The following HPSE2 variants were observed in gnomAD, a reference collection of about 807,000 sequenced individuals.
The protein encoded by HPSE2 is inactive heparanase-2.
Under a neutral mutation model 60.5 loss-of-function variants are expected in HPSE2, and 38 were observed. The observed-to-expected ratio is 0.63, with a 90% confidence interval of 0.48 to 0.82. The LOEUF is 0.82. HPSE2 is among the 40% of genes least tolerant of loss of function. HPSE2 has a pLI of 0.00. For missense variants in HPSE2, 713 were observed against 740.4 expected (o/e 0.96, Z 0.43); for synonymous variants, 295 against 293.2 (o/e 1.01, Z -0.06).
At chr10:98,827,201 T>G (rs1248415542) in intron 3 of HPSE2, among the ~76,000 whole-genome samples, 1 of 151,876 alleles carries the variant, frequency 6.6e-6, no homozygotes, top group Non-Finnish European at 1.5e-5. Context: ...TATTGTGGTT[T>G]TTTGTTTGTT....
chr10:99,198,508 C>T (rs902886390), intron 2 of HPSE2, among the ~76,000 whole-genome samples: 1 of 152,074 alleles, frequency 6.6e-6, no homozygotes, highest in African/African-American at 2.4e-5. Context: ...TTTTATAGAG[C>T]TTACAACTGA....
chr10:99,235,626 G>C lies in HPSE2; in HGVS notation c.177C>G (p.Thr59=), dbSNP rs762034031. ...TGGTGCTCACATCAAGTAGAATCAG[G>C]GTCTTTTCCTTCAAACCTGCAGCTC... The part of the protein sequence containing the change: ...VDRAAGLKEK[T]LILLDVSTKN... Residue 59 remains threonine (T), a synonymous_variant, in exon 1 of 12, where the codon ACC becomes ACG. Coordinates refer to ENST00000370552, the MANE Select transcript of HPSE2 (RefSeq NM_021828.5). 4.3e-6 allele frequency: 7 copies of C among 1,613,976 alleles called. No homozygotes were observed. The highest frequency in any genetic ancestry group is 5.9e-6 in the Non-Finnish European group (7 of 1,180,002).
intron 2 of HPSE2, among the ~76,000 whole-genome samples, chr10:99,185,722 C>T (rs975970499): frequency 2.0e-5 from 3 of 151,172 alleles, no homozygotes; most frequent in East Asian, 1.9e-4. Context: ...TGCAGTAAGC[C>T]GAGATTGCAC....
intron 3 of HPSE2, among the ~76,000 whole-genome samples, chr10:99,060,875 G>A (rs1302458057): frequency 6.6e-6 from 1 of 151,978 alleles, no homozygotes; most frequent in Non-Finnish European, 1.5e-5. Flanking sequence ...TCACTTACTT[G>A]TGCGAACTAA....
intron 2 of HPSE2, among the ~76,000 whole-genome samples, chr10:99,185,890 A>G (rs1847988416): frequency 6.6e-6 from 1 of 152,186 alleles, no homozygotes; most frequent in Non-Finnish European, 1.5e-5. Context: ...GAAATTATCT[A>G]AATGAAATGC....
At chr10:98,511,880 T>C (rs183606574) in intron 9 of HPSE2, among the ~76,000 whole-genome samples, 68 of 152,300 alleles carry the variant, frequency 4.5e-4, no homozygotes, top group African/African-American at 1.5e-3. Context: ...TTCTGGGAAT[T>C]ATAAATGCTC....
intron 9 of HPSE2, among the ~76,000 whole-genome samples, chr10:98,546,015 A>T (rs1488427930): frequency 1.5e-5 from 2 of 134,718 alleles, no homozygotes; most frequent in Non-Finnish European, 3.3e-5. Flanking sequence ...AATAACAGAC[A>T]AACAGAGAGC....
intron 3 of HPSE2, among the ~76,000 whole-genome samples, chr10:99,056,986 A>G (rs1246057033): frequency 6.6e-6 from 1 of 152,180 alleles, no homozygotes; most frequent in African/African-American, 2.4e-5. Context: ...AAGAAACAAA[A>G]GAGTACGTAT....
In HPSE2 at chr10:98,457,353, T is replaced by TATC. The variant is rs1362580575; in HGVS notation, c.*2220_*2221insGAT. On this transcript the variant is annotated 3_prime_UTR_variant, in exon 12 of 12. Coordinates refer to ENST00000370552, the MANE Select transcript of HPSE2 (RefSeq NM_021828.5). ...GTGGCTGAGTGGGCAGGCTCTGGATTATTTCGCGCTCGGCAACCCATTTCC... is the reference window on the plus strand; with the variant it reads ...GTGGCTGAGTGGGCAGGCTCTGGATTATCATTTCGCGCTCGGCAACCCATTTCC... 6.6e-6 allele frequency: 1 copy of TATC among 152,236 alleles called. No homozygotes were observed. Among genetic ancestry groups the TATC allele is most frequent in the Non-Finnish European group, 1.5e-5 (1 of 68,070 alleles). The allele number at this position is 152,236 out of a possible 1,614,324, so 9.4% of individuals were successfully genotyped here. A position where few individuals can be genotyped will look rare whatever the true frequency, so the allele number is the denominator to read the frequency against.
intron 3 of HPSE2, among the ~76,000 whole-genome samples, chr10:99,044,732 A>G (rs1331685255): frequency 6.6e-6 from 1 of 152,196 alleles, no homozygotes; most frequent in African/African-American, 2.4e-5. Context: ...ATCAGATAAA[A>G]TAAGTTTTAA....
At chr10:98,482,912 G>A in intron 10 of HPSE2, 130 bp from the exon 11 acceptor site, 1 of 869,960 alleles carries the variant, frequency 1.1e-6, no homozygotes, top group East Asian at 2.6e-5. Context: ...GGCCACCATA[G>A]ACCCTAAAAG....
At chr10:98,941,620 G>C (rs1344962341) in intron 3 of HPSE2, among the ~76,000 whole-genome samples, 1 of 139,292 alleles carries the variant, frequency 7.2e-6, no homozygotes, top group Non-Finnish European at 1.5e-5. Flanking sequence ...CTCATGGATA[G>C]GAAGAATCAA....
At chr10:99,200,200 T>G (rs1482681059) in intron 2 of HPSE2, among the ~76,000 whole-genome samples, 1 of 152,094 alleles carries the variant, frequency 6.6e-6, no homozygotes, top group Non-Finnish European at 1.5e-5. Context: ...TTTACCACAA[T>G]TAAAAAAATC....
At chr10:98,625,823 CCGGGCGTGGT>C (rs1408206522) in intron 7 of HPSE2, among the ~76,000 whole-genome samples, 1 of 152,110 alleles carries the variant, frequency 6.6e-6, no homozygotes, top group African/African-American at 2.4e-5. Flanking sequence ...CATGAATAGG[CCGGGCGTGGT>C]GGCTCACACC....
chr10:99,295,970 A>C, the HPSE2 span, among the ~76,000 whole-genome samples: 1 of 152,208 alleles, frequency 6.6e-6, no homozygotes, highest in Non-Finnish European at 1.5e-5. Flanking sequence ...GTGTCCCCTG[A>C]CTGCCTAAAT....
At chr10:98,494,035 C>G (rs894008965) in intron 9 of HPSE2, among the ~76,000 whole-genome samples, 2 of 152,218 alleles carry the variant, frequency 1.3e-5, no homozygotes, top group African/African-American at 4.8e-5. Context: ...ACCAGCTTAA[C>G]TTTAACAACA....
intron 3 of HPSE2, among the ~76,000 whole-genome samples, chr10:99,010,795 C>A (rs1956994999): frequency 6.6e-6 from 1 of 152,120 alleles, no homozygotes; most frequent in African/African-American, 2.4e-5. Context: ...ACACAAAATT[C>A]TCTTGAGGAT....
chr10:99,249,090 G>A, the HPSE2 span, among the ~76,000 whole-genome samples: 1 of 152,202 alleles, frequency 6.6e-6, no homozygotes, highest in Admixed American at 6.5e-5. Context: ...GAAATGTGGG[G>A]TTGGATCCCA....
At chr10:99,124,902 C>G (rs1486460313) in intron 3 of HPSE2, among the ~76,000 whole-genome samples, 1 of 152,200 alleles carries the variant, frequency 6.6e-6, no homozygotes, top group Non-Finnish European at 1.5e-5. Flanking sequence ...GCTGTGCCTC[C>G]CAAACTGCAG....
Sources: allele counts gnomAD v4.1 joint callset (sites outside exome capture counted in the v4.1 genomes callset), GRCh38; gene constraint gnomAD v4.1.1; transcripts MANE v1.5; gene names NCBI Gene and HGNC (gene_info 2026-07-23, HGNC 2026-07-21).